The following SCARA5 variants were observed in gnomAD, a reference collection of about 807,000 sequenced individuals.
SCARA5 encodes scavenger receptor class A member 5.
Under a neutral mutation model 46.3 loss-of-function variants are expected in SCARA5, and 45 were observed. The observed-to-expected ratio is 0.97, with a 90% confidence interval of 0.76 to 1.24. The LOEUF (loss-of-function observed/expected upper bound fraction) is 1.24. SCARA5 is among the 50% of genes most tolerant of loss of function. The pLI, the probability that SCARA5 is intolerant of heterozygous loss-of-function variation, is 0.00. For missense variants in SCARA5, 680 were observed against 689.0 expected, an observed-to-expected ratio of 0.99 and a Z score of 0.15; for synonymous variants, 333 against 306.5, an observed-to-expected ratio of 1.09 and a Z score of -0.90.
Position 27,876,460 on chromosome 8 carries a change from G to A in SCARA5, c.1351+3109C>T, listed in dbSNP as rs1020889519. 2.6e-5 allele frequency among the ~76,000 whole-genome samples: 4 copies of A among 152,200 alleles called. No individual in the cohort carries two copies. The South Asian group carries it at 6.2e-4, about 24-fold the overall frequency. ...CAGGACTCGGGGACCAACCTGATGT[G>A]GGGAGGGGGAGTGGTGACAGGGAAG... On this transcript the variant is annotated intron_variant, in intron 8 of 8. Coordinates refer to ENST00000354914, the MANE Select transcript of SCARA5 (RefSeq NM_173833.6).
chr8:27,991,439 T>C (rs7833835), intron 1 of SCARA5, among the ~76,000 whole-genome samples: 3,855 of 152,282 alleles, frequency 0.025, 155 homozygotes, highest in African/African-American at 0.088. Flanking sequence ...GTTCCCTTTG[T>C]AAAAGGCAAT....
chr8:27,874,828 C>T (rs1253899227), intron 8 of SCARA5, among the ~76,000 whole-genome samples: 2 of 152,200 alleles, frequency 1.3e-5, no homozygotes, highest in Non-Finnish European at 2.9e-5. Context: ...GGGAGATGCT[C>T]CCAGCTGCGC....
intron 4 of SCARA5, among the ~76,000 whole-genome samples, chr8:27,918,792 AAG>A (rs1807519288): frequency 6.7e-6 from 1 of 148,988 alleles, no homozygotes; most frequent in Non-Finnish European, 1.5e-5. Context: ...GAAGAGGAGA[AAG>A]AGGAGGAGGA....
Position 27,991,873 on chromosome 8 carries a change from ACATG to A in SCARA5, c.-16+380_-16+383del, listed in dbSNP as rs1448262514. 2.8e-4 allele frequency among the ~76,000 whole-genome samples: 38 copies of A among 137,024 alleles called. 1 individual carries two copies. In the Admixed American group the frequency reaches 3.2e-3, roughly 11 times the overall value. 89.9% of individuals were successfully genotyped at this position (137,024 alleles called of 152,430 possible). Reference sequence around the variant, plus strand: ...CACACACACACATGCACACACACACACATGCACACACACACATGCACACACACAC... The same window carrying A: ...CACACACACACATGCACACACACACACACACACACACATGCACACACACAC... On this transcript the variant is annotated intron_variant, in intron 1 of 8. Transcript: ENST00000354914.
intron 2 of SCARA5, among the ~76,000 whole-genome samples, chr8:27,982,998 G>A (rs903641742): frequency 1.3e-5 from 2 of 152,156 alleles, no homozygotes; most frequent in Non-Finnish European, 1.5e-5. Flanking sequence ...CCTCTGCGCT[G>A]AGGAAGCTCC....
chr8:27,967,441 C>G (rs898893479), intron 2 of SCARA5, among the ~76,000 whole-genome samples: 1 of 152,104 alleles, frequency 6.6e-6, no homozygotes, highest in Non-Finnish European at 1.5e-5. Context: ...TCCAGCTGCT[C>G]TGTTGACTGG....
chr8:27,981,513 C>T (rs11786891), intron 2 of SCARA5, among the ~76,000 whole-genome samples: 6,337 of 152,326 alleles, frequency 0.042, 192 homozygotes, highest in Middle Eastern at 0.092. Flanking sequence ...TCTCCCCTCA[C>T]CCACCTCCTG....
rs1327375395 is a variant in SCARA5 at position 27,940,758 on chromosome 8, C to CCA, written c.242-18514_242-18513insTG. Among the ~76,000 whole-genome samples the CCA allele has an allele frequency of 5.8e-4, 44 of 75,238 alleles. No individual in the cohort carries two copies. The South Asian group carries it at 0.017, about 29-fold the overall frequency. 49.4% of individuals were successfully genotyped at this position (75,238 alleles called of 152,430 possible). On this transcript the variant is annotated intron_variant, in intron 3 of 8. Transcript: ENST00000354914. ...TCTGCCCATCCACCCACCCAACCAT[C>CCA]TGTCCATCCATCCATCCATCCATCC...
At chr8:27,877,926 C>T (rs561263102) in intron 8 of SCARA5, among the ~76,000 whole-genome samples, 9 of 152,322 alleles carry the variant, frequency 5.9e-5, no homozygotes, top group South Asian at 2.1e-4. Flanking sequence ...AAGAGGAAGG[C>T]GGCTGGGAGG....
chr8:27,921,802 C>A lies in SCARA5; in HGVS notation c.685G>T (p.Gly229Cys). 6.4e-7 allele frequency: 1 copy of A among 1,558,718 alleles called. No homozygotes were observed. The change falls in exon 4 of 9, where the codon GGC becomes TGC. Residue 229 changes from glycine to cysteine, a missense_variant. By Grantham distance (159) the Gly-to-Cys change is radical (BLOSUM62 -3). Coordinates refer to ENST00000354914, the MANE Select transcript of SCARA5 (RefSeq NM_173833.6). ...TCGTAGGACAGGCTGTGGTTGAGGCCGCGCAGCACGCCGCCCACGTCGGCC... is the reference window on the plus strand; with the variant it reads ...TCGTAGGACAGGCTGTGGTTGAGGCAGCGCAGCACGCCGCCCACGTCGGCC... ...ELADVGGVLR[G>C]LNHSLSYDVA...
intron 3 of SCARA5, among the ~76,000 whole-genome samples, chr8:27,955,952 T>A (rs1373127134): frequency 6.6e-6 from 1 of 152,080 alleles, no homozygotes; most frequent in African/African-American, 2.4e-5. Context: ...CATGGTGTCA[T>A]TTACAGAGAT....
chr8:27,878,529 A>G (rs1054734700), intron 8 of SCARA5, among the ~76,000 whole-genome samples: 1 of 152,196 alleles, frequency 6.6e-6, no homozygotes, highest in African/African-American at 2.4e-5. Flanking sequence ...TGCTATCTGT[A>G]GGAGGTCAGT....
At chr8:27,891,091 G>T (rs1806973123) in intron 7 of SCARA5, among the ~76,000 whole-genome samples, 1 of 152,118 alleles carries the variant, frequency 6.6e-6, no homozygotes, top group Non-Finnish European at 1.5e-5. Context: ...TTGTTGAGGG[G>T]ATCAGTGACA....
intron 7 of SCARA5, among the ~76,000 whole-genome samples, chr8:27,894,483 T>G (rs969656015): frequency 2.0e-5 from 3 of 152,246 alleles, no homozygotes; most frequent in Non-Finnish European, 4.4e-5. Flanking sequence ...CAGTCTTGAC[T>G]GTATCTGGGA....
chr8:27,921,006 A>AAAACAAACAAAC (rs58408756), intron 4 of SCARA5, among the ~76,000 whole-genome samples: 50 of 151,748 alleles, frequency 3.3e-4, no homozygotes, highest in African/African-American at 4.1e-4. Context: ...AACAAAATAC[A>AAAACAAACAAAC]AAACAAACAA....
intron 3 of SCARA5, among the ~76,000 whole-genome samples, chr8:27,940,882 G>C (rs1807935053): frequency 6.6e-6 from 1 of 152,162 alleles, no homozygotes; most frequent in African/African-American, 2.4e-5. Context: ...CTAACACTGA[G>C]AGCAAGAGTT....
intron 3 of SCARA5, among the ~76,000 whole-genome samples, chr8:27,944,059 T>C (rs1807993245): frequency 6.6e-6 from 1 of 152,114 alleles, no homozygotes; most frequent in South Asian, 2.1e-4. Flanking sequence ...GGGAAAACAA[T>C]TAAACAAACC....
At chr8:27,948,780 G>T (rs1452480072) in intron 3 of SCARA5, among the ~76,000 whole-genome samples, 1 of 152,220 alleles carries the variant, frequency 6.6e-6, no homozygotes, top group Admixed American at 6.5e-5. Context: ...TGAAAGCAAT[G>T]GACTACAGAC....
Position 27,910,679 on chromosome 8 carries a change from C to T in SCARA5, c.917-936G>A, listed in dbSNP as rs145144684. The stretch of plus-strand genomic sequence containing the variant: ...AGGTGAGACCCCTGGATGAGGAGTG[C>T]GGCCATCAGAGGGATGTCAGGGACA... On this transcript the variant is annotated intron_variant, in intron 4 of 8. Coordinates refer to ENST00000354914, the MANE Select transcript of SCARA5 (RefSeq NM_173833.6). Among the ~76,000 whole-genome samples, 292 of 152,260 alleles carry T rather than the reference C, an allele frequency of 1.9e-3. 1 individual carries two copies. The highest frequency in any genetic ancestry group is 6.5e-3 in the African/African-American group (269 of 41,546).
Sources: gnomAD v4.1 joint callset for allele counts (sites outside exome capture counted in the v4.1 genomes callset) on GRCh38, gnomAD v4.1.1 for gene constraint, MANE v1.5 for transcripts, NCBI Gene and HGNC (gene_info 2026-07-23, HGNC 2026-07-21) for gene names.